The following TTC33 variants were observed in gnomAD, a reference collection of about 807,000 sequenced individuals.
The protein encoded by TTC33 is tetratricopeptide repeat domain 33.
TTC33 carries 24 observed loss-of-function variants against 29.4 expected under a neutral mutation model. The ratio of observed to expected loss-of-function variants is 0.82; its 90% CI spans 0.59 to 1.15. The LOEUF (loss-of-function observed/expected upper bound fraction) is 1.15. TTC33 is among the 50% of genes most tolerant of loss of function. The pLI, the probability that TTC33 is intolerant of heterozygous loss-of-function variation, is 0.00. For synonymous variants in TTC33, 107 were observed against 100.3 expected (o/e 1.07, Z -0.40); for missense variants, 286 against 310.4 (o/e 0.92, Z 0.59).
intron 1 of TTC33, among the ~76,000 whole-genome samples, chr5:40,748,000 TA>T (rs1379102224): frequency 6.6e-6 from 1 of 151,666 alleles, no homozygotes; most frequent in Non-Finnish European, 1.5e-5. Flanking sequence ...TAATTTTTTG[TA>T]TTTTTAGTAG....
chr5:40,718,268 A>T (rs183116614), intron 4 of TTC33, among the ~76,000 whole-genome samples: 16 of 151,720 alleles, frequency 1.1e-4, no homozygotes, highest in Admixed American at 1.1e-3. Context: ...TTAGTTGGAC[A>T]TAGTGGTGGT....
chr5:40,716,553 T>C (rs1217491214), intron 4 of TTC33, 55 bp from the exon 5 acceptor site: 1 of 1,166,376 alleles, frequency 8.6e-7, no homozygotes, highest in African/African-American at 1.5e-5. Context: ...GTATGTTTAA[T>C]ACAATCCTGT....
Position 40,716,476 on chromosome 5 carries a change from G to A in TTC33, c.458C>T (p.Ala153Val). The A allele has an allele frequency of 3.8e-6, 6 of 1,591,854 alleles. No homozygotes were observed. Among genetic ancestry groups the A allele is most frequent in the Non-Finnish European group, 5.1e-6 (6 of 1,171,228 alleles). The change falls in exon 5 of 5, where the codon GCC becomes GTC. Residue 153 changes from alanine to valine, a missense_variant. Ala to Val is a moderately conservative substitution (Grantham distance 64). Transcript: ENST00000337702. ...AGGGTTCATTGGATAGATGTGAAGG[G>A]CTACTTGAAAACTTCGAATTGCCTA... is the stretch of plus-strand genomic sequence containing the variant. ...IILAIRSFQV[A>V]LHIYPMNPEI... is the part of the protein sequence containing the mutation.
intron 2 of TTC33, among the ~76,000 whole-genome samples, chr5:40,744,489 T>TTG (rs1475950328): frequency 1.3e-5 from 2 of 150,280 alleles, no homozygotes; most frequent in African/African-American, 4.9e-5. Context: ...TCTTACCAGT[T>TTG]TTTTTTTTTT....
chr5:40,734,913 G>GA (rs1022310708), intron 2 of TTC33, among the ~76,000 whole-genome samples: 7 of 152,308 alleles, frequency 4.6e-5, no homozygotes, highest in African/African-American at 1.4e-4. Context: ...ATGTGATAGG[G>GA]AGTGACCAAG....
At chr5:40,723,945 A>G (rs1221160472) in intron 4 of TTC33, among the ~76,000 whole-genome samples, 1 of 152,208 alleles carries the variant, frequency 6.6e-6, no homozygotes, top group East Asian at 1.9e-4. Flanking sequence ...TTGTTAGTAA[A>G]AATGCAAAAT....
At chr5:40,731,459 A>G (rs371502061) in intron 2 of TTC33, among the ~76,000 whole-genome samples, 1 of 152,162 alleles carries the variant, frequency 6.6e-6, no homozygotes, top group Admixed American at 6.5e-5. Context: ...GGTTTAATTG[A>G]CTCAGTACCA....
At chr5:40,750,028 C>T (rs879049164) in intron 1 of TTC33, among the ~76,000 whole-genome samples, 5 of 149,846 alleles carry the variant, frequency 3.3e-5, no homozygotes, top group African/African-American at 1.2e-4. Context: ...GCAGAGGTTG[C>T]AGTGAGCTGA....
intron 2 of TTC33, among the ~76,000 whole-genome samples, chr5:40,746,091 A>G (rs1003335203): frequency 6.6e-6 from 1 of 152,170 alleles, no homozygotes; most frequent in Non-Finnish European, 1.5e-5. Flanking sequence ...ATTTTCCTCT[A>G]GGTAGTAATC....
rs1398535405 is a variant in TTC33 at position 40,716,323 on chromosome 5, T to C, written c.611A>G (p.Tyr204Cys). ...AACAATCTCATCACTTTCAAAGTCA[T>C]AGTCTGGAATTGACTTTGGTGAAAA... ...THFSPKSIPDYDFESDEIVAV... is the reference protein window; with the variant it reads ...THFSPKSIPDCDFESDEIVAV... Residue 204 changes from tyrosine to cysteine, a missense_variant, in exon 5 of 5, where the codon TAT becomes TGT. Coordinates refer to ENST00000337702, the MANE Select transcript of TTC33 (RefSeq NM_012382.3). 4.3e-6 allele frequency: 7 copies of C among 1,614,104 alleles called. No homozygotes were observed. The highest frequency in any genetic ancestry group is 5.9e-6 in the Non-Finnish European group (7 of 1,180,042).
intron 2 of TTC33, among the ~76,000 whole-genome samples, chr5:40,743,980 T>A (rs1203150617): frequency 6.6e-6 from 1 of 152,242 alleles, no homozygotes; most frequent in Non-Finnish European, 1.5e-5. Context: ...AATGCTGATA[T>A]CTCTTCTCTG....
intron 2 of TTC33, among the ~76,000 whole-genome samples, chr5:40,737,387 T>G (rs1292200942): frequency 6.6e-6 from 1 of 151,590 alleles, no homozygotes; most frequent in Non-Finnish European, 1.5e-5. Flanking sequence ...AGTGATAAAA[T>G]AACCAAGACC....
chr5:40,748,527 T>C (rs1261636365), intron 1 of TTC33, among the ~76,000 whole-genome samples: 1 of 152,178 alleles, frequency 6.6e-6, no homozygotes, highest in Non-Finnish European at 1.5e-5. Flanking sequence ...GGTGTGATAA[T>C]GGTATTGTAA....
chr5:40,728,409 GGATTTTGCTGGACGGC>G lies in TTC33; in HGVS notation c.355_370del (p.Ala119HisfsTer17). 1 of 1,613,720 alleles carries G rather than the reference GGATTTTGCTGGACGGC, an allele frequency of 6.2e-7. No individual in the cohort carries two copies. The highest frequency in any genetic ancestry group is 1.7e-5 in the Admixed American group (1 of 59,952). On this transcript the variant is annotated frameshift_variant, in exon 4 of 5. Coordinates refer to ENST00000337702, the MANE Select transcript of TTC33 (RefSeq NM_012382.3). LOFTEE classifies it high-confidence loss of function. Reference sequence around the variant, plus strand: ...AGTCTGCCAAGACTCCCATGAATGTGGATTTTGCTGGACGGCCATTTCTGCTGCATGTACTGCTGGG... The same window carrying G: ...AGTCTGCCAAGACTCCCATGAATGTGCATTTCTGCTGCATGTACTGCTGGG...
chr5:40,754,008 A>T (rs749897776), intron 1 of TTC33, among the ~76,000 whole-genome samples: 4 of 152,176 alleles, frequency 2.6e-5, no homozygotes, highest in African/African-American at 4.8e-5. Flanking sequence ...ACAGACCCAC[A>T]CATCTTTTAA....
Position 40,712,394 on chromosome 5 carries a change from C to T in TTC33, c.*3751G>A, listed in dbSNP as rs1467501468. On this transcript the variant is annotated 3_prime_UTR_variant, in exon 5 of 5. Transcript: ENST00000337702. ...GTTTGAGGGAGTCATAAAATAATGT[C>T]CCTCTCCTCTCCTGACCTCTGAACC... Among the ~76,000 whole-genome samples, 1 of 152,110 alleles carries T rather than the reference C, an allele frequency of 6.6e-6. No individual in the cohort carries two copies. The highest frequency in any genetic ancestry group is 1.5e-5 in the Non-Finnish European group (1 of 67,992).
At chr5:40,719,361 T>A (rs1302848353) in intron 4 of TTC33, among the ~76,000 whole-genome samples, 1 of 152,264 alleles carries the variant, frequency 6.6e-6, no homozygotes, top group Non-Finnish European at 1.5e-5. Context: ...GTTTTTAAAG[T>A]TCATCCGTGT....
At chr5:40,746,699 A>T in intron 2 of TTC33, 99 bp downstream of exon 2, 1 of 915,374 alleles carries the variant, frequency 1.1e-6, no homozygotes, top group South Asian at 1.9e-5. Context: ...TAGATTTTTA[A>T]ACATGAATTT....
intron 1 of TTC33, among the ~76,000 whole-genome samples, chr5:40,752,573 G>T (rs551812556): frequency 2.6e-4 from 40 of 152,268 alleles, no homozygotes; most frequent in African/African-American, 9.4e-4. Context: ...AGAGAGATGG[G>T]AATAGCCAGT....
Sources: allele counts gnomAD v4.1 joint callset (sites outside exome capture counted in the v4.1 genomes callset), GRCh38; gene constraint gnomAD v4.1.1; transcripts MANE v1.5; gene names NCBI Gene and HGNC (gene_info 2026-07-23, HGNC 2026-07-21).